Variants in PCDHGA9 observed in about 807,000 individuals in gnomAD.
The protein encoded by PCDHGA9 is protocadherin gamma-A9.
A neutral mutation model predicts 62.5 loss-of-function variants in PCDHGA9; 37 were observed. The observed-to-expected ratio is 0.59, with a 90% CI of 0.46 to 0.78. The LOEUF is 0.78. Among genes scored for constraint, PCDHGA9 ranks in the 30% least tolerant of loss-of-function variants. The probability of loss-of-function intolerance (pLI) is 0.00; values close to 1 mark genes in which losing one functional copy is unlikely to be tolerated. For synonymous variants in PCDHGA9, 459 were observed against 484.6 expected, an observed-to-expected ratio of 0.95 and a Z score of 0.69; for missense variants, 1,138 against 1,166.2, an observed-to-expected ratio of 0.98 and a Z score of 0.35.
rs1596259997 is a variant in PCDHGA9, at chr5:141,509,990, A to G, written c.2573-957A>G. Among the ~76,000 whole-genome samples the G allele has an allele frequency of 2.6e-5, 4 of 152,266 alleles. No individual in the cohort carries two copies. The South Asian group carries it at 8.3e-4, about 32-fold the overall frequency. ...GGTCCTTCTAACACTTGGTTCCCTC[A>G]TCTGTAAAATGAGGGTCATACCACA... is the stretch of plus-strand genomic sequence containing the variant. On this transcript the variant is annotated intron_variant, in intron 3 of 3. Transcript: ENST00000573521.
chr5:141,419,332 C>A, intron 1 of PCDHGA9: 1 of 1,613,950 alleles, frequency 6.2e-7, no homozygotes, highest in South Asian at 1.1e-5. Context: ...CCTACTCTCT[C>A]ATTGCCAGCG....
chr5:141,491,284 A>C lies in PCDHGA9; in HGVS notation c.2425-3523A>C. ...AATGCCCAAATCCAGTGACTTCCTC[A>C]TACACCCTCCTGAGCGTTCAGACCT... On this transcript the variant is annotated intron_variant, in intron 1 of 3. Transcript: ENST00000573521. The surrounding 1 kb of genome is among the most constrained non-coding windows in gnomAD (Gnocchi z 6.9). 1.2e-6 allele frequency: 2 copies of C among 1,614,128 alleles called. No homozygotes were observed. The highest frequency in any genetic ancestry group is 1.7e-6 in the Non-Finnish European group (2 of 1,179,978).
rs1012028735 is a variant in PCDHGA9 at position 141,413,666 on chromosome 5, C to T, written c.2424+8290C>T. 4 of 1,613,666 alleles carry T rather than the reference C, an allele frequency of 2.5e-6. No individual in the cohort carries two copies. In the African/African-American group the frequency reaches 5.3e-5, roughly 22 times the overall value. On this transcript the variant is annotated intron_variant, in intron 1 of 3. Coordinates refer to ENST00000573521, the MANE Select transcript of PCDHGA9 (RefSeq NM_018921.3). ...TTTCCTCTCCCGGAAGCTATTGATC[C>T]GGATGTGGGCGTGAACTCCCTGCAG... is the stretch of plus-strand genomic sequence containing the variant.
intron 2 of PCDHGA9, among the ~76,000 whole-genome samples, chr5:141,497,661 T>A (rs1485909952): frequency 3.3e-5 from 5 of 151,062 alleles, no homozygotes; most frequent in African/African-American, 4.9e-5. Context: ...TGCCTCAGCC[T>A]CCCGAGTAGC....
At chr5:141,447,768 T>C (rs1392134454) in intron 1 of PCDHGA9, among the ~76,000 whole-genome samples, 1 of 152,212 alleles carries the variant, frequency 6.6e-6, no homozygotes, top group East Asian at 1.9e-4. Context: ...ATATAAATTA[T>C]ACTTTAATTG....
chr5:141,464,068 C>A (rs2099075218), intron 1 of PCDHGA9, among the ~76,000 whole-genome samples: 1 of 152,036 alleles, frequency 6.6e-6, no homozygotes, highest in Admixed American at 6.6e-5. Flanking sequence ...AGTTCAAGGC[C>A]AGCCTGGCCA....
chr5:141,509,024 C>T (rs2099873840), intron 3 of PCDHGA9, among the ~76,000 whole-genome samples: 1 of 152,108 alleles, frequency 6.6e-6, no homozygotes, highest in African/African-American at 2.4e-5. Flanking sequence ...GCTGCTCCCT[C>T]CCACTCAACC....
intron 1 of PCDHGA9, chr5:141,428,598 C>T (rs2097150047): frequency 4.5e-6 from 1 of 224,296 alleles, no homozygotes; most frequent in African/African-American, 2.3e-5. Context: ...TAGCAAGCTT[C>T]ACTGAAGAGA....
chr5:141,430,933 G>C (rs2097327058), intron 1 of PCDHGA9: 1 of 1,607,608 alleles, frequency 6.2e-7, no homozygotes, highest in East Asian at 2.2e-5. Flanking sequence ...AGCCCCGGGA[G>C]CTCGCGGAGC....
At chr5:141,479,798 G>A (rs892288776) in intron 1 of PCDHGA9, among the ~76,000 whole-genome samples, 3 of 152,116 alleles carry the variant, frequency 2.0e-5, no homozygotes, top group African/African-American at 7.2e-5. Flanking sequence ...ATTAATTCAG[G>A]GTGGTATGCA....
rs757333940 is a variant in PCDHGA9, at chr5:141,404,777, T to A, written c.1825T>A (p.Phe609Ile). The A allele has an allele frequency of 7.4e-6, 12 of 1,613,404 alleles. 1 individual carries two copies. In the South Asian group the frequency reaches 1.3e-4, roughly 18 times the overall value. Reference protein sequence around the residue: ...GQNAWLSYRLFKASEPGLFSV... With the variant: ...GQNAWLSYRLIKASEPGLFSV... ...GAATGCTTGGCTCTCCTACCGCCTA[T>A]TCAAGGCCAGTGAGCCAGGGCTCTT... Residue 609 changes from phenylalanine (F) to isoleucine (I), a missense_variant, in exon 1 of 4, where the codon TTC becomes ATC. By Grantham distance (21) the Phe-to-Ile change is conservative. Transcript: ENST00000573521.
chr5:141,455,388 A>C (rs1415223043), intron 1 of PCDHGA9, among the ~76,000 whole-genome samples: 1 of 152,086 alleles, frequency 6.6e-6, no homozygotes, highest in Non-Finnish European at 1.5e-5. Context: ...AGAAGGAAGG[A>C]GCTCCCCCTT....
chr5:141,429,264 A>T (rs1029363907), intron 1 of PCDHGA9: 1 of 151,938 alleles, frequency 6.6e-6, no homozygotes, highest in Non-Finnish European at 1.5e-5. Flanking sequence ...TGAGGAATAA[A>T]TTTTTTTCCT....
At chr5:141,423,238 G>A (rs765040062) in intron 1 of PCDHGA9, 3 of 1,613,778 alleles carry the variant, frequency 1.9e-6, no homozygotes, top group South Asian at 1.1e-5. Flanking sequence ...CAGCATCCCC[G>A]AAGTCCTGGC....
Position 141,490,109 on chromosome 5 carries a change from G to A in PCDHGA9, c.2425-4698G>A, listed in dbSNP as rs775286436. The A allele has an allele frequency of 3.4e-5, 55 of 1,614,114 alleles. No homozygotes were observed. Among genetic ancestry groups the A allele is most frequent in the African/African-American group, 8.0e-5 (6 of 74,940 alleles). ...GGAGACCACACATCTGAGGCAGTGC[G>A]GAACCTCTTTGGCCTAGACCCTAGC... On this transcript the variant is annotated intron_variant, in intron 1 of 3. Coordinates refer to ENST00000573521, the MANE Select transcript of PCDHGA9 (RefSeq NM_018921.3). This position sits in a 1 kb window ranked among gnomAD's most constrained non-coding sequence, Gnocchi z 5.4.
Position 141,423,412 on chromosome 5 carries a change from T to C in PCDHGA9, c.2424+18036T>C, listed in dbSNP as rs754410783. 4 of 1,614,166 alleles carry C rather than the reference T, an allele frequency of 2.5e-6. No individual in the cohort carries two copies. The Admixed American group carries it at 6.7e-5, about 27-fold the overall frequency. The stretch of plus-strand genomic sequence containing the variant: ...GCATAAGTCACGCCTGCTGCAGGCT[T>C]CTGAAGGCGGGTTGGCAGGTATGCC... On this transcript the variant is annotated intron_variant, in intron 1 of 3. Coordinates refer to ENST00000573521, the MANE Select transcript of PCDHGA9 (RefSeq NM_018921.3).
Position 141,433,012 on chromosome 5 carries a change from G to C in PCDHGA9, c.2424+27636G>C. 1 of 1,614,172 alleles carries C rather than the reference G, an allele frequency of 6.2e-7. No homozygotes were observed. Among genetic ancestry groups the C allele is most frequent in the South Asian group, 1.1e-5 (1 of 91,080 alleles). The stretch of plus-strand genomic sequence containing the variant: ...TGGACGGGGTGCAGGCTTTCCTGCA[G>C]ACCTATTCCCACGAGGTTTCCCTCA... On this transcript the variant is annotated intron_variant, in intron 1 of 3. Coordinates refer to ENST00000573521, the MANE Select transcript of PCDHGA9 (RefSeq NM_018921.3).
intron 3 of PCDHGA9, among the ~76,000 whole-genome samples, chr5:141,506,402 G>C (rs1032556978): frequency 7.0e-6 from 1 of 143,732 alleles, no homozygotes; most frequent in African/African-American, 2.6e-5. Context: ...GCAGAAAATC[G>C]CACCACTGCA....
chr5:141,443,367 C>T (rs1305408862), intron 1 of PCDHGA9, among the ~76,000 whole-genome samples: 1 of 151,712 alleles, frequency 6.6e-6, no homozygotes, highest in African/African-American at 2.4e-5. Flanking sequence ...TGCCTGTGGT[C>T]TCAGCTACTT....
Sources: allele counts gnomAD v4.1 joint callset (sites outside exome capture counted in the v4.1 genomes callset), GRCh38; gene constraint gnomAD v4.1.1; non-coding constraint Gnocchi (gnomAD v3.1); transcripts MANE v1.5; gene names NCBI Gene and HGNC (gene_info 2026-07-23, HGNC 2026-07-21).